PEX7: variants seen among roughly 807,000 people sequenced by gnomAD.
The protein encoded by PEX7 is peroxisomal biogenesis factor 7, also known as PTS2 receptor.
In PEX7, 34 loss-of-function variants were observed where a neutral mutation model predicts 47.5. The observed-to-expected ratio is 0.72, with a 90% CI of 0.54 to 0.95. The LOEUF is 0.95. Ranked by LOEUF, PEX7 falls within the 40% of genes least tolerant of loss-of-function variation. The pLI, the probability that PEX7 is intolerant of heterozygous loss-of-function variation, is 0.00. For missense variants in PEX7, 394 were observed against 400.3 expected (o/e 0.98, Z 0.13); for synonymous variants, 141 against 148.8 (o/e 0.95, Z 0.38).
chr6:136,860,072 A>G (rs1022932386), intron 5 of PEX7, among the ~76,000 whole-genome samples: 7 of 152,128 alleles, frequency 4.6e-5, no homozygotes, highest in African/African-American at 1.7e-4. Flanking sequence ...TCTGCAATTG[A>G]TAAGAGAAGC....
intron 7 of PEX7, among the ~76,000 whole-genome samples, chr6:136,871,600 C>T (rs1364491796): frequency 1.3e-5 from 2 of 152,136 alleles, no homozygotes; most frequent in Middle Eastern, 3.4e-3. Context: ...TCTCTGTCGC[C>T]GGGGCTGGAG....
intron 1 of PEX7, 48 bp downstream of exon 1, chr6:136,822,843 G>GGGCCC: frequency 8.9e-7 from 1 of 1,119,092 alleles, no homozygotes; most frequent in Non-Finnish European, 1.1e-6. Flanking sequence ...GGCGGAGGCG[G>GGGCCC]GGGCCAGCCG....
intron 3 of PEX7, among the ~76,000 whole-genome samples, chr6:136,831,290 C>T (rs1233511130): frequency 1.3e-5 from 2 of 152,070 alleles, no homozygotes; most frequent in African/African-American, 4.8e-5. Context: ...GGGGAAACTG[C>T]CACTTTTAAA....
intron 9 of PEX7, among the ~76,000 whole-genome samples, chr6:136,906,498 A>ATG (rs558844880): frequency 3.5e-4 from 53 of 150,448 alleles, no homozygotes; most frequent in Non-Finnish European, 5.8e-4. Flanking sequence ...GTGTGTGTGC[A>ATG]TGTGTGTGTG....
At chr6:136,904,467 A>C (rs1000147980) in intron 9 of PEX7, among the ~76,000 whole-genome samples, 3 of 151,996 alleles carry the variant, frequency 2.0e-5, no homozygotes, top group South Asian at 4.2e-4. Context: ...TCCCCGCCCA[A>C]ATCTCACCTT....
At chr6:136,889,427 A>G (rs1775519551) in intron 8 of PEX7, among the ~76,000 whole-genome samples, 1 of 152,244 alleles carries the variant, frequency 6.6e-6, no homozygotes, top group Admixed American at 6.5e-5. Flanking sequence ...TCCGTGTCTA[A>G]TTCATAACTG....
chr6:136,905,196 C>T (rs1775825865), intron 9 of PEX7, among the ~76,000 whole-genome samples: 1 of 152,126 alleles, frequency 6.6e-6, no homozygotes, highest in Admixed American at 6.5e-5. Flanking sequence ...AAAAGGTTTG[C>T]ATTTTATCTC....
At chr6:136,839,604 C>T (rs2115158268) in intron 3 of PEX7, among the ~76,000 whole-genome samples, 1 of 152,318 alleles carries the variant, frequency 6.6e-6, no homozygotes, top group South Asian at 2.1e-4. Context: ...TCAGGCACTG[C>T]ATATCTCTCT....
At chr6:136,868,761 T>C (rs1775119461) in intron 6 of PEX7, among the ~76,000 whole-genome samples, 1 of 146,612 alleles carries the variant, frequency 6.8e-6, no homozygotes, top group Non-Finnish European at 1.5e-5. Context: ...CTTAAATCCA[T>C]TGCTGTTCTG....
chr6:136,904,632 CTTTTT>C (rs772446747), intron 9 of PEX7, among the ~76,000 whole-genome samples: 2 of 129,608 alleles, frequency 1.5e-5, no homozygotes, highest in African/African-American at 2.8e-5. Context: ...CCTGCACAAG[CTTTTT>C]TTTTTTTTTT....
chr6:136,859,407 T>G (rs1774917722), intron 5 of PEX7, among the ~76,000 whole-genome samples: 1 of 152,096 alleles, frequency 6.6e-6, no homozygotes, highest in Admixed American at 6.6e-5. Flanking sequence ...AAATTATCTT[T>G]GGAATCATGA....
At chr6:136,905,595 C>T (rs551590639) in intron 9 of PEX7, among the ~76,000 whole-genome samples, 91 of 152,198 alleles carry the variant, frequency 6.0e-4, no homozygotes, top group African/African-American at 2.1e-3. Context: ...ATCTTCCTGT[C>T]CTATTTTTTC....
chr6:136,870,040 A>AT (rs771869730), intron 7 of PEX7, 37 bp downstream of exon 7: 1 of 1,233,282 alleles, frequency 8.1e-7, no homozygotes, highest in Admixed American at 1.7e-5. Flanking sequence ...GTAGAATAAA[A>AT]TTATATAAAT....
chr6:136,857,328 A>G (rs1774879059), intron 5 of PEX7, among the ~76,000 whole-genome samples: 1 of 152,234 alleles, frequency 6.6e-6, no homozygotes, highest in African/African-American at 2.4e-5. Flanking sequence ...TTATTATATA[A>G]GATATGGGAG....
At chr6:136,855,776 C>T in intron 5 of PEX7, 1 of 377,914 alleles carries the variant, frequency 2.6e-6, no homozygotes. Context: ...TTTCGTTTGC[C>T]CCACTGGAAT....
intron 5 of PEX7, among the ~76,000 whole-genome samples, chr6:136,848,019 G>A (rs892361033): frequency 2.6e-5 from 4 of 151,892 alleles, no homozygotes; most frequent in African/African-American, 4.8e-5. Context: ...CTTTTATTTC[G>A]TTGAGGAGTG....
intron 5 of PEX7, among the ~76,000 whole-genome samples, chr6:136,858,302 CAG>C (rs2115196785): frequency 6.6e-6 from 1 of 152,296 alleles, no homozygotes; most frequent in Admixed American, 6.5e-5. Flanking sequence ...ATGGAGAGAA[CAG>C]AGCATACTTG....
At chr6:136,892,447 A>G (rs956475031) in intron 8 of PEX7, among the ~76,000 whole-genome samples, 1 of 152,240 alleles carries the variant, frequency 6.6e-6, no homozygotes, top group Non-Finnish European at 1.5e-5. Context: ...AGTACTAGAC[A>G]TGATGTCAGG....
At chr6:136,848,561 G>C (rs11754982) in intron 5 of PEX7, among the ~76,000 whole-genome samples, 25,681 of 147,620 alleles carry the variant, frequency 0.17, 2,727 homozygotes, top group Non-Finnish European at 0.25. Flanking sequence ...TAGCACGAAG[G>C]GCTGTTCAAT....
Sources: gnomAD v4.1 joint callset for allele counts (sites outside exome capture counted in the v4.1 genomes callset) on GRCh38, gnomAD v4.1.1 for gene constraint, MANE v1.5 for transcripts, NCBI Gene and HGNC (gene_info 2026-07-23, HGNC 2026-07-21) for gene names.